CDKN2C: variants seen among roughly 807,000 people sequenced by gnomAD.
The protein encoded by CDKN2C is cyclin-dependent kinase 4 inhibitor C.
CDKN2C carries 5 observed loss-of-function variants against 11.0 expected under a neutral mutation model. The observed-to-expected ratio is 0.45, with a 90% CI of 0.24 to 0.95. CDKN2C has a LOEUF of 0.95. CDKN2C is among the 40% of genes least tolerant of loss of function. CDKN2C has a pLI of 0.21. For synonymous variants in CDKN2C, 79 were observed against 88.3 expected (o/e 0.89, Z 0.59); for missense variants, 161 against 211.9 (o/e 0.76, Z 1.49).
At chr1:50,973,716 A>G (rs984935977) in intron 1 of CDKN2C, among the ~76,000 whole-genome samples, 177 bp from the exon 2 acceptor site, 7 of 152,186 alleles carry the variant, frequency 4.6e-5, no homozygotes, top group African/African-American at 1.4e-4. Context: ...GTTGTCTTCT[A>G]CTTTCACCTA....
chr1:50,961,183 CCG>C (rs1645319844), intron 1 of CDKN2C, among the ~76,000 whole-genome samples: 2 of 152,202 alleles, frequency 1.3e-5, no homozygotes, highest in Non-Finnish European at 2.9e-5. Flanking sequence ...TTACAGGCTC[CCG>C]CCACCAAGCC....
At chr1:50,965,483 G>C (rs1645343724), upstream of CDKN2C, among the ~76,000 whole-genome samples, 2 of 151,960 alleles carry the variant, frequency 1.3e-5, no homozygotes, top group Non-Finnish European at 2.9e-5. Context: ...ATGACAGAGA[G>C]AGACTCTGTC....
At chr1:50,963,913 T>C (rs1352096478) in intron 1 of CDKN2C, among the ~76,000 whole-genome samples, 4 of 152,092 alleles carry the variant, frequency 2.6e-5, no homozygotes, top group Non-Finnish European at 5.9e-5. Flanking sequence ...CTAAGTTAAA[T>C]ACAGATCTTT....
upstream of CDKN2C, chr1:50,967,933 T>C (rs557630657): frequency 1.3e-5 from 2 of 152,386 alleles, no homozygotes; most frequent in South Asian, 2.1e-4. Context: ...TCTCTAATAA[T>C]AGGACTATTT....
chr1:50,972,025 A>G (rs1645383588), intron 1 of CDKN2C, among the ~76,000 whole-genome samples: 3 of 152,236 alleles, frequency 2.0e-5, no homozygotes, highest in African/African-American at 7.2e-5. Context: ...CAATATTGCT[A>G]TTATTTTCTG....
At chr1:50,967,163 A>G (rs1645350670), upstream of CDKN2C, among the ~76,000 whole-genome samples, 1 of 152,242 alleles carries the variant, frequency 6.6e-6, no homozygotes, top group Non-Finnish European at 1.5e-5. Context: ...TTTATCAGCC[A>G]ACAGTGCTAA....
In CDKN2C at chr1:50,970,331, A is replaced by T; in HGVS notation, c.-38A>T. ...AAAGGAAAGGGGAAAAAGAAAAACG[A>T]CTAATTCATCTTTTCCTGATCGTCA... is the stretch of plus-strand genomic sequence containing the variant. On this transcript the variant is annotated 5_prime_UTR_variant, in exon 1 of 2. Transcript: ENST00000371761. 6.2e-7 allele frequency: 1 copy of T among 1,612,962 alleles called. No individual in the cohort carries two copies. Among genetic ancestry groups the T allele is most frequent in the Non-Finnish European group, 8.5e-7 (1 of 1,179,912 alleles).
Position 50,974,238 on chromosome 1 carries a change from A to G in CDKN2C, c.475A>G (p.Asn159Asp). 3 of 1,583,748 alleles carry G rather than the reference A, an allele frequency of 1.9e-6. No homozygotes were observed. The highest frequency in any genetic ancestry group is 2.6e-6 in the Non-Finnish European group (3 of 1,162,106). ...RNEVVSLMQA[N>D]GAGGATNLQ The stretch of plus-strand genomic sequence containing the variant: ...TGAGGTTGTTAGCCTGATGCAGGCA[A>G]ACGGGGCTGGGGGAGCCACAAATCT... The change falls in exon 2 of 2, where the codon AAC becomes GAC. Residue 159 changes from asparagine to aspartate, a missense_variant. Physicochemically the swap from Asn to Asp is conservative, Grantham distance 23. Coordinates refer to ENST00000371761, the MANE Select transcript of CDKN2C (RefSeq NM_078626.3).
At chr1:50,966,494 T>C (rs1645347771), upstream of CDKN2C, among the ~76,000 whole-genome samples, 1 of 152,242 alleles carries the variant, frequency 6.6e-6, no homozygotes, top group Admixed American at 6.5e-5. Context: ...CTCAATATAG[T>C]AGAAACTTAA....
chr1:50,971,858 T>C (rs779393263), intron 1 of CDKN2C, among the ~76,000 whole-genome samples: 24 of 152,158 alleles, frequency 1.6e-4, no homozygotes, highest in Non-Finnish European at 3.1e-4. Context: ...AACATACTTA[T>C]CAAGATACTA....
upstream of CDKN2C, among the ~76,000 whole-genome samples, chr1:50,967,770 A>C (rs1645354368): frequency 6.6e-6 from 1 of 152,240 alleles, no homozygotes; most frequent in African/African-American, 2.4e-5. Flanking sequence ...GAGAGAGACC[A>C]TTCTAGACAC....
At chr1:50,967,412 A>G (rs756053862), upstream of CDKN2C, among the ~76,000 whole-genome samples, 4 of 152,238 alleles carry the variant, frequency 2.6e-5, no homozygotes, top group Non-Finnish European at 5.9e-5. Flanking sequence ...CAATTACATT[A>G]AAGAAAACAC....
At chr1:50,962,919 A>G (rs766736482) in intron 1 of CDKN2C, among the ~76,000 whole-genome samples, 21 of 152,222 alleles carry the variant, frequency 1.4e-4, no homozygotes, top group Non-Finnish European at 2.5e-4. Flanking sequence ...TTGTGGTTTG[A>G]GTTCTAACTC....
chr1:50,962,924 T>C (rs1645332841), intron 1 of CDKN2C, among the ~76,000 whole-genome samples: 1 of 152,262 alleles, frequency 6.6e-6, no homozygotes, highest in Non-Finnish European at 1.5e-5. Flanking sequence ...GTTTGAGTTC[T>C]AACTCTGCTC....
chr1:50,970,518 G>A (rs2147956623), intron 1 of CDKN2C, 21 bp downstream of exon 1: 1 of 1,613,818 alleles, frequency 6.2e-7, no homozygotes, highest in Non-Finnish European at 8.5e-7. Context: ...AGAGAGGTGG[G>A]GAAAACAAGT....
upstream of CDKN2C, chr1:50,967,879 CT>C (rs1424672512): frequency 6.6e-6 from 1 of 152,190 alleles, no homozygotes; most frequent in Non-Finnish European, 1.5e-5. Context: ...CTTCACACGA[CT>C]TATTTTAAAT....
intron 1 of CDKN2C, among the ~76,000 whole-genome samples, chr1:50,963,579 T>C (rs1645335078): frequency 6.6e-6 from 1 of 152,236 alleles, no homozygotes; most frequent in East Asian, 1.9e-4. Context: ...TCTGTACAAT[T>C]TCCCTTCCAT....
intron 1 of CDKN2C, among the ~76,000 whole-genome samples, chr1:50,962,633 A>C (rs1287107367): frequency 1.3e-5 from 2 of 152,206 alleles, no homozygotes; most frequent in Non-Finnish European, 2.9e-5. Flanking sequence ...ACCCATTCAA[A>C]TCCCATGTTG....
intron 1 of CDKN2C, among the ~76,000 whole-genome samples, chr1:50,971,222 T>G (rs1262335347): frequency 6.6e-6 from 1 of 152,246 alleles, no homozygotes; most frequent in African/African-American, 2.4e-5. Context: ...GATAATTTTT[T>G]TCCTCTTCTG....
Sources: allele counts gnomAD v4.1 joint callset (sites outside exome capture counted in the v4.1 genomes callset), GRCh38; gene constraint gnomAD v4.1.1; transcripts MANE v1.5; gene names NCBI Gene and HGNC (gene_info 2026-07-23, HGNC 2026-07-21).